The following ANXA6 variants were observed in gnomAD, a reference collection of about 807,000 sequenced individuals.
ANXA6 encodes annexin A6, also known as 67 kDa calelectrin.
A neutral mutation model predicts 95.4 loss-of-function variants in ANXA6; 71 were observed. That is an observed-to-expected ratio of 0.74 (90% CI 0.61 to 0.91). ANXA6 has a LOEUF of 0.91. Ranked by LOEUF, ANXA6 falls within the 40% of genes least tolerant of loss-of-function variation. The probability of loss-of-function intolerance (pLI) is 0.00; values close to 1 mark genes in which losing one functional copy is unlikely to be tolerated. For missense variants in ANXA6, 830 were observed against 876.4 expected (o/e 0.95, Z 0.67); for synonymous variants, 289 against 315.9 (o/e 0.91, Z 0.90).
chr5:151,139,393 C>T lies in ANXA6; in HGVS notation c.164G>A (p.Arg55Lys), dbSNP rs1272448083. ...DIITSRSNRQ[R>K]QEVCQSYKSL... The stretch of plus-strand genomic sequence containing the variant: ...CTTGTAGCTCTGGCAGACCTCCTGC[C>T]TCTGCCTGTTGCTCCGTGAGGTGAT... Residue 55 changes from arginine to lysine, a missense_variant, in exon 4 of 26, where the codon AGG becomes AAG. Physicochemically the swap from Arg to Lys is conservative, Grantham distance 26. Transcript: ENST00000354546. 9 of 1,613,614 alleles carry T rather than the reference C, an allele frequency of 5.6e-6. No homozygotes were observed. Among genetic ancestry groups the T allele is most frequent in the South Asian group, 2.2e-5 (2 of 91,060 alleles).
chr5:151,137,980 G>A (rs1376850506), intron 5 of ANXA6, among the ~76,000 whole-genome samples: 1 of 152,154 alleles, frequency 6.6e-6, no homozygotes, highest in Non-Finnish European at 1.5e-5. Flanking sequence ...TTTCTCATCT[G>A]TAAAATGTAG....
intron 13 of ANXA6, among the ~76,000 whole-genome samples, chr5:151,127,260 C>T (rs895936137): frequency 6.6e-6 from 1 of 152,198 alleles, no homozygotes; most frequent in African/African-American, 2.4e-5. Flanking sequence ...ATGGTCCTTA[C>T]CAAAGGTTCA....
intron 14 of ANXA6, among the ~76,000 whole-genome samples, chr5:151,124,926 T>C (rs181221015): frequency 1.0e-3 from 152 of 152,362 alleles, no homozygotes; most frequent in Admixed American, 2.0e-3. Context: ...TCTGTCTACT[T>C]AAATGCATCA....
intron 25 of ANXA6, among the ~76,000 whole-genome samples, chr5:151,102,992 C>CGTTT (rs759385358): frequency 1.3e-5 from 2 of 151,876 alleles, no homozygotes; most frequent in East Asian, 3.9e-4. Context: ...GTAAGTTTTT[C>CGTTT]GTTTGTTTGT....
chr5:151,122,463 T>A (rs1232674537), intron 16 of ANXA6, among the ~76,000 whole-genome samples: 1 of 152,082 alleles, frequency 6.6e-6, no homozygotes, highest in Non-Finnish European at 1.5e-5. Context: ...CCCACTCTCC[T>A]TGACACAGGA....
chr5:151,147,037 T>C (rs977483860), intron 2 of ANXA6, among the ~76,000 whole-genome samples: 2 of 152,204 alleles, frequency 1.3e-5, no homozygotes, highest in Non-Finnish European at 2.9e-5. Context: ...CCTCCCAAAG[T>C]GCTGGGATTA....
In ANXA6 at chr5:151,124,312, G is replaced by A. The variant is rs1433612942; in HGVS notation, c.1112C>T (p.Ala371Val). ...NDFNPDADAKALRKAMKGLGT... is the reference protein window; with the variant it reads ...NDFNPDADAKVLRKAMKGLGT... ...GAGTCCCTTCATGGCTTTCCGCAGC[G>A]CTTTGGCATCTGCGTCAGGGTTGAA... The change falls in exon 15 of 26, where the codon GCG becomes GTG. Residue 371 changes from alanine (A) to valine (V), a missense_variant. Physicochemically the swap from Ala to Val is moderately conservative, Grantham distance 64 (BLOSUM62 0). Coordinates refer to ENST00000354546, the MANE Select transcript of ANXA6 (RefSeq NM_001155.5). 5.0e-6 allele frequency: 8 copies of A among 1,613,502 alleles called. No individual in the cohort carries two copies. In the African/African-American group the frequency reaches 6.7e-5, roughly 13 times the overall value.
At chr5:151,109,431 G>A (rs768104100) in intron 22 of ANXA6, among the ~76,000 whole-genome samples, 53 of 152,116 alleles carry the variant, frequency 3.5e-4, no homozygotes, top group Non-Finnish European at 5.0e-4. Flanking sequence ...GAATCATGAC[G>A]CGGGACCCCA....
chr5:151,111,916 G>A (rs1764861388), intron 20 of ANXA6, among the ~76,000 whole-genome samples: 1 of 152,136 alleles, frequency 6.6e-6, no homozygotes. Context: ...AGCCTCCTGA[G>A]TAGCTGGGAT....
At chr5:151,116,986 C>G (rs1025411906) in intron 20 of ANXA6, 141 bp downstream of exon 20, 1 of 610,454 alleles carries the variant, frequency 1.6e-6, no homozygotes, top group Non-Finnish European at 2.7e-6. Flanking sequence ...TTTCTACAGT[C>G]TAAGTATCAA....
rs532107238 is a variant in ANXA6, at chr5:151,122,809, G to A, written c.1233+108C>T. ...TCATATGACCACACAGGGTCCCTCT[G>A]CCATGAAGACCCTGGTGCCCAACTG... On this transcript the variant is annotated intron_variant, in intron 16 of 25. Transcript: ENST00000354546. The A allele has an allele frequency of 8.6e-6, 8 of 931,246 alleles. No homozygotes were observed. In the South Asian group the frequency reaches 9.7e-5, roughly 11 times the overall value. The allele number at this position is 931,246 out of a possible 1,614,324, so 57.7% of individuals were successfully genotyped here. A position where few individuals can be genotyped will look rare whatever the true frequency, so the allele number is the denominator to read the frequency against.
intron 21 of ANXA6, among the ~76,000 whole-genome samples, chr5:151,110,342 T>G (rs946868949): frequency 2.7e-5 from 4 of 149,090 alleles, no homozygotes; most frequent in Non-Finnish European, 6.0e-5. Flanking sequence ...CTATTTATAC[T>G]GATAGTAAAT....
At chr5:151,153,620 A>C (rs889392803) in intron 1 of ANXA6, among the ~76,000 whole-genome samples, 1 of 152,180 alleles carries the variant, frequency 6.6e-6, no homozygotes, top group East Asian at 1.9e-4. Context: ...AGGTTGTCTG[A>C]CTCGAGACTT....
chr5:151,138,368 A>C (rs986765754), intron 5 of ANXA6, among the ~76,000 whole-genome samples: 3 of 152,164 alleles, frequency 2.0e-5, no homozygotes, highest in African/African-American at 7.2e-5. Flanking sequence ...CCCTTGGCCC[A>C]GGGTCATGTT....
Position 151,101,341 on chromosome 5 carries a change from C to A in ANXA6, c.*107G>T, listed in dbSNP as rs1054389. 0.029 allele frequency: 11,060 copies of A among 378,712 alleles called. 217 individuals are homozygous for A. Among genetic ancestry groups the A allele is most frequent in the Middle Eastern group, 0.06 (76 of 1,268 alleles). 23.5% of individuals were successfully genotyped at this position (378,712 alleles called of 1,614,324 possible). A position where few individuals can be genotyped will look rare whatever the true frequency, so the allele number is the denominator to read the frequency against. ...AAGAGCCCAACCCAACCCCTCCCCC[C>A]ACCCCTGCCCCTTCCTTAGTCTCTG... On this transcript the variant is annotated 3_prime_UTR_variant, in exon 26 of 26. Transcript: ENST00000354546.
intron 22 of ANXA6, among the ~76,000 whole-genome samples, chr5:151,109,205 C>T (rs947225245): frequency 6.6e-6 from 1 of 152,142 alleles, no homozygotes; most frequent in Non-Finnish European, 1.5e-5. Context: ...ACCTTAAATA[C>T]TGAGAAGTGC....
intron 11 of ANXA6, 79 bp downstream of exon 11, chr5:151,131,152 C>G: frequency 6.7e-7 from 1 of 1,492,074 alleles, no homozygotes. Flanking sequence ...CTCTCTTTGG[C>G]CACTGGATCC....
At chr5:151,119,445 G>T (rs1020627483) in intron 17 of ANXA6, 55 bp from the exon 18 acceptor site, 30 of 1,498,132 alleles carry the variant, frequency 2.0e-5, no homozygotes, top group Non-Finnish European at 2.8e-5. Flanking sequence ...CCTGTGCAGA[G>T]GTCCATGGGG....
At chr5:151,107,055 C>A (rs1337207870) in intron 23 of ANXA6, among the ~76,000 whole-genome samples, 1 of 152,164 alleles carries the variant, frequency 6.6e-6, no homozygotes, top group Non-Finnish European at 1.5e-5. Flanking sequence ...GGTTTGAGTC[C>A]TGGTTCTACT....
Sources: allele counts gnomAD v4.1 joint callset (sites outside exome capture counted in the v4.1 genomes callset), GRCh38; gene constraint gnomAD v4.1.1; transcripts MANE v1.5; gene names NCBI Gene and HGNC (gene_info 2026-07-23, HGNC 2026-07-21).